Variants in TAC1 observed in about 807,000 individuals in gnomAD.
TAC1 encodes protachykinin-1.
In TAC1, 12 loss-of-function variants were observed where a neutral mutation model predicts 21.7. That is an observed-to-expected ratio of 0.55 (90% CI 0.35 to 0.89). The LOEUF (loss-of-function observed/expected upper bound fraction) is 0.89. TAC1 is among the 40% of genes least tolerant of loss of function. The probability of loss-of-function intolerance (pLI) is 0.01; values close to 1 mark genes in which losing one functional copy is unlikely to be tolerated. For synonymous variants in TAC1, 52 were observed against 52.0 expected (o/e 1.00, Z 0.00); for missense variants, 128 against 151.4 (o/e 0.85, Z 0.81).
At chr7:97,735,664 C>A (rs1469891050) in intron 5 of TAC1, among the ~76,000 whole-genome samples, 5 of 147,882 alleles carry the variant, frequency 3.4e-5, no homozygotes, top group Non-Finnish European at 7.4e-5. Flanking sequence ...AAAATAGTAA[C>A]CTTTCCAAAG....
rs746537641 is a variant in TAC1, at chr7:97,732,597, T to C, written c.-9-7T>C. The C allele has an allele frequency of 2.5e-6, 4 of 1,614,034 alleles. No homozygotes were observed. In the Admixed American group the frequency reaches 6.7e-5, roughly 27 times the overall value. On this transcript the variant is annotated splice_region_variant and splice_polypyrimidine_tract_variant and intron_variant, in intron 1 of 6. Coordinates refer to ENST00000319273, the MANE Select transcript of TAC1 (RefSeq NM_003182.3). This position sits in a 1 kb window ranked among gnomAD's most constrained non-coding sequence, Gnocchi z 6.2. ...CTTTGGTGTCTTCTCCTCCTACCCC[T>C]TCCCAGAAATCCAACATGAAAATCC...
intron 5 of TAC1, 51 bp downstream of exon 5, chr7:97,734,900 T>G: frequency 7.2e-7 from 1 of 1,394,986 alleles, no homozygotes; most frequent in Non-Finnish European, 1.0e-6. Context: ...TAAAATTATA[T>G]TGAATTTCAC....
chr7:97,734,104 G>T, intron 3 of TAC1, 144 bp from the exon 4 acceptor site: 1 of 808,254 alleles, frequency 1.2e-6, no homozygotes. Context: ...GTAGTACTGC[G>T]GATGATCCAA....
chr7:97,733,660 G>A (rs1789489980), intron 2 of TAC1, 63 bp from the exon 3 acceptor site: 1 of 1,538,488 alleles, frequency 6.5e-7, no homozygotes, highest in Non-Finnish European at 9.0e-7. Flanking sequence ...GGAAGGGCTC[G>A]GGTTGCTGGG....
In TAC1 at chr7:97,734,800, G is replaced by A. The variant is rs746020750; in HGVS notation, c.266-26G>A. On this transcript the variant is annotated intron_variant, in intron 4 of 6. Transcript: ENST00000319273. ...CATCTTTAAAAACAAATCTATATGT[G>A]TTTGCTAATTTTATCTTTCTTCTAG... 12 of 1,572,808 alleles carry A rather than the reference G, an allele frequency of 7.6e-6. No individual in the cohort carries two copies. The East Asian group carries it at 1.8e-4, about 24-fold the overall frequency.
chr7:97,737,736 A>G (rs887345766), intron 6 of TAC1, among the ~76,000 whole-genome samples: 3 of 151,982 alleles, frequency 2.0e-5, no homozygotes, highest in Non-Finnish European at 4.4e-5. Flanking sequence ...CCGAAGTGTA[A>G]AAGTGTAAGA....
At position 97,739,867 on chromosome 7, in the gene TAC1, T is replaced by C. The variant is rs780481562; in HGVS notation, c.344-7T>C. ...TAAAAAACACTTTATCTCTTCTTTG[T>C]TTTCAGTGGCTTATGAAAGGAGTGC... On this transcript the variant is annotated splice_polypyrimidine_tract_variant and splice_region_variant and intron_variant, in intron 6 of 6. Transcript: ENST00000319273. The C allele has an allele frequency of 4.4e-6, 7 of 1,604,034 alleles. No homozygotes were observed. The highest frequency in any genetic ancestry group is 6.0e-6 in the Non-Finnish European group (7 of 1,175,694).
At position 97,737,672 on chromosome 7, in the gene TAC1, C is replaced by T. The variant is rs1051904116; in HGVS notation, c.343+1320C>T. 3.8e-4 allele frequency among the ~76,000 whole-genome samples: 57 copies of T among 151,874 alleles called. 2 individuals are homozygous for T. Among genetic ancestry groups the T allele is most frequent in the Non-Finnish European group, 1.5e-4 (10 of 67,834 alleles). On this transcript the variant is annotated intron_variant, in intron 6 of 6. Transcript: ENST00000319273. ...ACTTCCTAGTGTTCTTATTGGGTCC[C>T]CACTTTCTATTTAGACACTACCTTT...
At chr7:97,739,704 G>C (rs1050448645) in intron 6 of TAC1, among the ~76,000 whole-genome samples, 170 bp from the exon 7 acceptor site, 4 of 152,186 alleles carry the variant, frequency 2.6e-5, no homozygotes, top group African/African-American at 9.6e-5. Context: ...AATCAGAATA[G>C]AGACTGAGGC....
intron 6 of TAC1, among the ~76,000 whole-genome samples, chr7:97,738,108 A>G (rs1469600534): frequency 6.6e-6 from 1 of 152,054 alleles, no homozygotes; most frequent in Non-Finnish European, 1.5e-5. Flanking sequence ...CATTTTAGTT[A>G]AGGAAATATA....
rs550102341 is a variant in TAC1, at chr7:97,736,237, T to C, written c.290-62T>C. The C allele has an allele frequency of 2.2e-6, 3 of 1,392,654 alleles. No homozygotes were observed. The South Asian group carries it at 3.6e-5, about 17-fold the overall frequency. 86.3% of individuals were successfully genotyped at this position (1,392,654 alleles called of 1,614,324 possible). A position where few individuals can be genotyped will look rare whatever the true frequency, so the allele number is the denominator to read the frequency against. On this transcript the variant is annotated intron_variant, in intron 5 of 6. Transcript: ENST00000319273. ...TATTCAGAAGCTTGCTTTGTTCTGG[T>C]TATAATAGTTTGTTTCCTCAAAGAT... is the stretch of plus-strand genomic sequence containing the variant.
intron 6 of TAC1, 135 bp downstream of exon 6, chr7:97,736,487 G>A (rs1789577183): frequency 5.1e-6 from 4 of 790,406 alleles, no homozygotes; most frequent in Non-Finnish European, 8.2e-6. Flanking sequence ...TTTAATTGTT[G>A]TACTTGTAAC....
chr7:97,734,727 T>C, intron 4 of TAC1, 99 bp from the exon 5 acceptor site: 2 of 899,994 alleles, frequency 2.2e-6, no homozygotes, highest in Non-Finnish European at 3.4e-6. Context: ...AGATAGAAAA[T>C]GTTACATATT....
intron 5 of TAC1, 70 bp from the exon 6 acceptor site, chr7:97,736,229 T>C: frequency 7.6e-7 from 1 of 1,309,918 alleles, no homozygotes; most frequent in Non-Finnish European, 1.1e-6. Context: ...AAGCTTGCTT[T>C]GTTCTGGTTA....
At chr7:97,735,567 T>C (rs892461975) in intron 5 of TAC1, among the ~76,000 whole-genome samples, 5 of 152,296 alleles carry the variant, frequency 3.3e-5, no homozygotes, top group South Asian at 2.1e-4. Flanking sequence ...ATTTGGTTCA[T>C]TGGGTGGCAG....
chr7:97,732,485 TTTGATCTTGGTTCATCCG>T lies in TAC1; in HGVS notation c.-9-115_-9-98del. 1 of 1,223,604 alleles carries T rather than the reference TTTGATCTTGGTTCATCCG, an allele frequency of 8.2e-7. No homozygotes were observed. Among genetic ancestry groups the T allele is most frequent in the Non-Finnish European group, 1.2e-6 (1 of 863,416 alleles). The allele number at this position is 1,223,604 out of a possible 1,614,324, so 75.8% of individuals were successfully genotyped here. On this transcript the variant is annotated intron_variant, in intron 1 of 6. Transcript: ENST00000319273. This position sits in a 1 kb window ranked among gnomAD's most constrained non-coding sequence, Gnocchi z 6.2. ...CAGGTGAGACTTCAGTCCTTATGTT[TTTGATCTTGGTTCATCCG>T]TTGTGGGGCAGAAAATTCTGTTGCT... is the stretch of plus-strand genomic sequence containing the variant.
At position 97,733,590 on chromosome 7, in the gene TAC1, G is replaced by C. The variant is rs576323666; in HGVS notation, c.124-133G>C. The C allele has an allele frequency of 2.0e-4, 156 of 764,008 alleles. No individual in the cohort carries two copies. The African/African-American group carries it at 2.6e-3, about 13-fold the overall frequency. 47.3% of individuals were successfully genotyped at this position (764,008 alleles called of 1,614,324 possible). ...GAGGCAGCGCCTCGGGAGGGACCCC[G>C]CTCAGCCCGAGCGTGGGGAAGGCCG... On this transcript the variant is annotated intron_variant, in intron 2 of 6. Coordinates refer to ENST00000319273, the MANE Select transcript of TAC1 (RefSeq NM_003182.3).
At position 97,739,939 on chromosome 7, in the gene TAC1, T is replaced by G; in HGVS notation, c.*19T>G. On this transcript the variant is annotated 3_prime_UTR_variant, in exon 7 of 7. Transcript: ENST00000319273. ...ACGTTAATAAACTACCTAACATTAT[T>G]TATTCAGCTTCATTTGTGTCAATGG... is the stretch of plus-strand genomic sequence containing the variant. 2 of 1,579,430 alleles carry G rather than the reference T, an allele frequency of 1.3e-6. No individual in the cohort carries two copies. Among genetic ancestry groups the G allele is most frequent in the Admixed American group, 3.5e-5 (2 of 57,400 alleles).
intron 5 of TAC1, 83 bp from the exon 6 acceptor site, chr7:97,736,216 C>T: frequency 8.6e-7 from 1 of 1,159,712 alleles, no homozygotes; most frequent in Non-Finnish European, 1.2e-6. Context: ...GACATATATT[C>T]AGAAGCTTGC....
Sources: gnomAD v4.1 joint callset for allele counts (sites outside exome capture counted in the v4.1 genomes callset) on GRCh38, gnomAD v4.1.1 for gene constraint, Gnocchi (gnomAD v3.1) non-coding constraint, MANE v1.5 for transcripts, NCBI Gene and HGNC (gene_info 2026-07-23, HGNC 2026-07-21) for gene names.